The following ZFP91 variants were observed in gnomAD, a reference collection of about 807,000 sequenced individuals.
ZFP91 encodes the protein ZFP91 zinc finger protein, atypical E3 ubiquitin ligase.
In ZFP91, 7 loss-of-function variants were observed where a neutral mutation model predicts 63.5. That is an observed-to-expected ratio of 0.11 (90% CI 0.06 to 0.21). ZFP91 has a LOEUF of 0.21. Among genes scored for constraint, ZFP91 ranks in the 10% least tolerant of loss-of-function variants. ZFP91 has a pLI of 1.00. For synonymous variants in ZFP91, 330 were observed against 272.1 expected (o/e 1.21, Z -2.10); for missense variants, 628 against 736.6 (o/e 0.85, Z 1.71).
At chr11:58,592,144 G>A (rs1042942440) in intron 2 of ZFP91, among the ~76,000 whole-genome samples, 5 of 143,430 alleles carry the variant, frequency 3.5e-5, no homozygotes, top group African/African-American at 7.9e-5. Context: ...GTGCAGTGAC[G>A]TGATATCGGC....
intron 4 of ZFP91, 67 bp from the exon 5 acceptor site, chr11:58,610,883 C>A: frequency 2.1e-6 from 3 of 1,446,314 alleles, no homozygotes; most frequent in Admixed American, 1.9e-5. Context: ...AAAAAATTAC[C>A]AAATAAAATC....
intron 1 of ZFP91, among the ~76,000 whole-genome samples, chr11:58,580,078 A>AGT (rs1159631602): frequency 6.9e-6 from 1 of 145,078 alleles, no homozygotes; most frequent in African/African-American, 2.6e-5. Flanking sequence ...CAGATGTACT[A>AGT]GTGTGTTTAT....
intron 2 of ZFP91, among the ~76,000 whole-genome samples, chr11:58,592,057 G>A (rs779663207): frequency 2.0e-4 from 31 of 151,334 alleles, no homozygotes; most frequent in South Asian, 6.2e-4. Context: ...CTCGAGCTGG[G>A]AATTTGAACC....
intron 2 of ZFP91, among the ~76,000 whole-genome samples, chr11:58,605,907 C>T (rs1272441592): frequency 6.6e-6 from 1 of 151,966 alleles, no homozygotes; most frequent in African/African-American, 2.4e-5. Context: ...ATCTCTTAGG[C>T]TTTATTTTCC....
intron 2 of ZFP91, among the ~76,000 whole-genome samples, chr11:58,587,062 TTTGCAAAGCTGCAAATTAAG>T (rs1403974319): frequency 6.6e-6 from 1 of 152,128 alleles, no homozygotes; most frequent in Non-Finnish European, 1.5e-5. Context: ...TTTCCATTAA[TTTGCAAAGCTGCAAATTAAG>T]TTGCAAAGTT....
At chr11:58,582,784 T>A (rs1280434413) in intron 1 of ZFP91, among the ~76,000 whole-genome samples, 1 of 152,130 alleles carries the variant, frequency 6.6e-6, no homozygotes, top group Non-Finnish European at 1.5e-5. Context: ...TAATCTGATG[T>A]TTATAACAAC....
At chr11:58,607,775 T>C (rs1269294566) in intron 2 of ZFP91, among the ~76,000 whole-genome samples, 4 of 152,134 alleles carry the variant, frequency 2.6e-5, no homozygotes, top group African/African-American at 9.7e-5. Context: ...TTTAACAATA[T>C]TTTTGCTGAT....
chr11:58,617,691 C>T lies in ZFP91; in HGVS notation c.1698C>T (p.Asp566=). The change falls in exon 11 of 11, where the codon GAC becomes GAT. Residue 566 remains aspartate, a synonymous_variant. Transcript: ENST00000316059. This position sits in a 1 kb window ranked among gnomAD's most constrained non-coding sequence, Gnocchi z 4.2. ...ATTEVLIEDS[D]SAGP ...CAGAGGTTCTGATTGAAGATTCAGA[C>T]TCTGCCGGACCTTAGTGGACAGGAA... 1 of 1,509,282 alleles carries T rather than the reference C, an allele frequency of 6.6e-7. No individual in the cohort carries two copies. Among genetic ancestry groups the T allele is most frequent in the Non-Finnish European group, 8.9e-7 (1 of 1,129,844 alleles). The allele number at this position is 1,509,282 out of a possible 1,614,324, so 93.5% of individuals were successfully genotyped here. A position where few individuals can be genotyped will look rare whatever the true frequency, so the allele number is the denominator to read the frequency against.
At position 58,619,385 on chromosome 11, in the gene ZFP91, A is replaced by G. The variant is rs928503681; in HGVS notation, c.*1679A>G. 6.6e-5 allele frequency: 10 copies of G among 152,022 alleles called. No individual in the cohort carries two copies. Among genetic ancestry groups the G allele is most frequent in the African/African-American group, 2.2e-4 (9 of 41,366 alleles). 9.4% of individuals were successfully genotyped at this position (152,022 alleles called of 1,614,324 possible). A position where few individuals can be genotyped will look rare whatever the true frequency, so the allele number is the denominator to read the frequency against. On this transcript the variant is annotated 3_prime_UTR_variant, in exon 11 of 11. Transcript: ENST00000316059. ...CATCTTCAGGTAAAGAGTAATTCCT[A>G]TCCTGTGTGCCTCAGAAGCTAGAAT...
At position 58,617,575 on chromosome 11, in the gene ZFP91, C is replaced by A. The variant is rs146975406; in HGVS notation, c.1582C>A (p.Leu528Met). 30 of 1,610,482 alleles carry A rather than the reference C, an allele frequency of 1.9e-5. No homozygotes were observed. Among genetic ancestry groups the A allele is most frequent in the Non-Finnish European group, 2.5e-5 (29 of 1,178,590 alleles). The change falls in exon 11 of 11, where the codon CTG (leucine) becomes ATG (methionine). Residue 528 changes from leucine to methionine, a missense_variant. By Grantham distance (15) the Leu-to-Met change is conservative. Coordinates refer to ENST00000316059, the MANE Select transcript of ZFP91 (RefSeq NM_053023.5). This position sits in a 1 kb window ranked among gnomAD's most constrained non-coding sequence, Gnocchi z 4.2. ...CTGCAGTGGGACGGAACGGGTGAGC[C>A]TGATGGCTGATGGGAAGATCTTTGT... ...SYCSGTERVS[L>M]MADGKIFVGS...
intron 2 of ZFP91, among the ~76,000 whole-genome samples, chr11:58,608,479 A>G (rs1855604512): frequency 6.6e-6 from 1 of 152,124 alleles, no homozygotes; most frequent in Non-Finnish European, 1.5e-5. Flanking sequence ...GTTTTCCCAC[A>G]GTCTTGACAA....
At chr11:58,593,695 CT>C (rs1276524949) in intron 2 of ZFP91, among the ~76,000 whole-genome samples, 1 of 152,200 alleles carries the variant, frequency 6.6e-6, no homozygotes, top group Non-Finnish European at 1.5e-5. Context: ...GTCCTTTGAA[CT>C]TTAGGCCTGT....
chr11:58,605,800 C>T (rs1427024142), intron 2 of ZFP91, among the ~76,000 whole-genome samples: 1 of 151,926 alleles, frequency 6.6e-6, no homozygotes, highest in African/African-American at 2.4e-5. Context: ...GACTATATTC[C>T]CCAATAGTTT....
At chr11:58,598,328 A>G (rs1475637877) in intron 2 of ZFP91, among the ~76,000 whole-genome samples, 2 of 152,106 alleles carry the variant, frequency 1.3e-5, no homozygotes, top group Non-Finnish European at 2.9e-5. Flanking sequence ...TAATTTTTCA[A>G]TATTTCTAGG....
Position 58,619,902 on chromosome 11 carries a change from A to G in ZFP91, c.*2196A>G, listed in dbSNP as rs1473998906. 1 of 152,202 alleles carries G rather than the reference A, an allele frequency of 6.6e-6. No homozygotes were observed. The highest frequency in any genetic ancestry group is 1.5e-5 in the Non-Finnish European group (1 of 68,030). The allele number at this position is 152,202 out of a possible 1,614,324, so 9.4% of individuals were successfully genotyped here. ...TACACTTTTTGACTAACTAGCATCT[A>G]TATTCCACACTTAGCTTTTTTGTCA... On this transcript the variant is annotated 3_prime_UTR_variant, in exon 11 of 11. Coordinates refer to ENST00000316059, the MANE Select transcript of ZFP91 (RefSeq NM_053023.5).
intron 5 of ZFP91, 43 bp downstream of exon 5, chr11:58,611,097 G>GGAAATATAACATAGGAAATATAACA: frequency 6.4e-7 from 1 of 1,569,012 alleles, no homozygotes; most frequent in Non-Finnish European, 8.8e-7. Flanking sequence ...TGAAATATAA[G>GGAAATATAACATAGGAAATATAACA]TAGGAAAGCA....
chr11:58,593,907 C>T (rs1261151975), intron 2 of ZFP91, among the ~76,000 whole-genome samples: 2 of 152,212 alleles, frequency 1.3e-5, no homozygotes, highest in Admixed American at 1.3e-4. Flanking sequence ...CCTGTCTCGT[C>T]TGTTTCCTAA....
chr11:58,582,813 A>G (rs1032090326), intron 1 of ZFP91, among the ~76,000 whole-genome samples: 2 of 152,168 alleles, frequency 1.3e-5, no homozygotes, highest in East Asian at 1.9e-4. Context: ...ACAATGAACT[A>G]TTTAGGGGTT....
chr11:58,611,172 A>G (rs1223607891), intron 5 of ZFP91, 118 bp downstream of exon 5: 3 of 752,094 alleles, frequency 4.0e-6, no homozygotes, highest in Non-Finnish European at 6.3e-6. Flanking sequence ...TTAAATGAGT[A>G]ATTAATTATG....
Sources: gnomAD v4.1 joint callset for allele counts (sites outside exome capture counted in the v4.1 genomes callset) on GRCh38, gnomAD v4.1.1 for gene constraint, Gnocchi (gnomAD v3.1) non-coding constraint, MANE v1.5 for transcripts, NCBI Gene and HGNC (gene_info 2026-07-23, HGNC 2026-07-21) for gene names.